MAP1A: variants seen among roughly 807,000 people sequenced by gnomAD.
The protein encoded by MAP1A is microtubule-associated protein 1A.
MAP1A carries 42 observed loss-of-function variants against 185.9 expected under a neutral mutation model. The observed-to-expected ratio is 0.23, with a 90% CI of 0.18 to 0.29. MAP1A has a LOEUF of 0.29. Among genes scored for constraint, MAP1A ranks in the 10% least tolerant of loss-of-function variants. The pLI, the probability that MAP1A is intolerant of heterozygous loss-of-function variation, is 1.00. For missense variants in MAP1A, 2,995 were observed against 3,450.4 expected (o/e 0.87, Z 3.31); for synonymous variants, 1,229 against 1,335.9 (o/e 0.92, Z 1.74).
intron 1 of MAP1A, among the ~76,000 whole-genome samples, chr15:43,518,659 C>T (rs1256723884): frequency 6.6e-6 from 1 of 151,676 alleles, no homozygotes; most frequent in African/African-American, 2.4e-5. Flanking sequence ...TTCTGCCTCA[C>T]TGCGGAGACA....
At position 43,526,334 on chromosome 15, in the gene MAP1A, C is replaced by G. The variant is rs76831919; in HGVS notation, c.4861C>G (p.Leu1621Val). The stretch of plus-strand genomic sequence containing the variant: ...AGCTCTTCTGGAGAAGACCAAAGCT[C>G]TGGGCCTGGAAGAGAGCCTAGTGCA... ...LEALLEKTKA[L>V]GLEESLVQEG... Residue 1621 changes from leucine (L) to valine (V), a missense_variant, in exon 4 of 6, where the codon CTG becomes GTG. Coordinates refer to ENST00000300231, the MANE Select transcript of MAP1A (RefSeq NM_002373.6). This position sits in a 1 kb window ranked among gnomAD's most constrained non-coding sequence, Gnocchi z 4.7. 6.1e-3 allele frequency: 9,844 copies of G among 1,614,076 alleles called. 536 individuals are homozygous for G. In the African/African-American group the frequency reaches 0.12, roughly 19 times the overall value.
Position 43,526,297 on chromosome 15 carries a change from A to G in MAP1A, c.4824A>G (p.Glu1608=). 6.2e-7 allele frequency: 1 copy of G among 1,614,100 alleles called. No homozygotes were observed. The highest frequency in any genetic ancestry group is 8.5e-7 in the Non-Finnish European group (1 of 1,180,018). ...EKSPEKVKAM[E]EKLEALLEKT... ...CCCCAGAAAAGGTCAAGGCCATGGAAGAGAAGTTAGAAGCTCTTCTGGAGA... is the reference window on the plus strand; with the variant it reads ...CCCCAGAAAAGGTCAAGGCCATGGAGGAGAAGTTAGAAGCTCTTCTGGAGA... Residue 1608 remains glutamate, a synonymous_variant, in exon 4 of 6, where the codon GAA becomes GAG. Transcript: ENST00000300231. This position sits in a 1 kb window ranked among gnomAD's most constrained non-coding sequence, Gnocchi z 4.7.
chr15:43,515,555 A>C (rs2079294259), upstream of MAP1A, among the ~76,000 whole-genome samples: 1 of 152,188 alleles, frequency 6.6e-6, no homozygotes, highest in Non-Finnish European at 1.5e-5. Context: ...TCTTCCACAA[A>C]AGGGAGAAAG....
Position 43,530,244 on chromosome 15 carries a change from C to A in MAP1A, c.*20C>A. On this transcript the variant is annotated 3_prime_UTR_variant, in exon 6 of 6. Transcript: ENST00000300231. ...TTCTGAAAGAGCCGCCCTCCCTTCC[C>A]CAAGGATCCACTCCCCCAGCTCCTT... The A allele has an allele frequency of 6.2e-7, 1 of 1,613,182 alleles. No homozygotes were observed. Among genetic ancestry groups the A allele is most frequent in the South Asian group, 1.1e-5 (1 of 90,916 alleles).
rs780152975 is a variant in MAP1A at position 43,527,752 on chromosome 15, C to T, written c.6279C>T (p.Pro2093=). Residue 2093 remains proline, a synonymous_variant, in exon 4 of 6, where the codon CCC becomes CCT. Coordinates refer to ENST00000300231, the MANE Select transcript of MAP1A (RefSeq NM_002373.6). ...SCSPDRRSPS[P]KESGRSHWDD... ...GCCCAGATAGGAGGTCCCCATCCCCCAAGGAATCAGGCCGGAGTCACTGGG... is the reference window on the plus strand; with the variant it reads ...GCCCAGATAGGAGGTCCCCATCCCCTAAGGAATCAGGCCGGAGTCACTGGG... 3.1e-6 allele frequency: 5 copies of T among 1,613,674 alleles called. No individual in the cohort carries two copies. In the African/African-American group the frequency reaches 5.3e-5, roughly 17 times the overall value.
At chr15:43,520,943 C>CG in intron 2 of MAP1A, 29 bp from the exon 3 acceptor site, 1 of 1,544,424 alleles carries the variant, frequency 6.5e-7, no homozygotes, top group Non-Finnish European at 8.8e-7. Flanking sequence ...TTTCCTATAT[C>CG]TGTGACCACT....
At chr15:43,520,778 C>A in intron 2 of MAP1A, 55 bp downstream of exon 2, 2 of 1,427,822 alleles carry the variant, frequency 1.4e-6, no homozygotes, top group Non-Finnish European at 1.9e-6. Flanking sequence ...GCTATACCCA[C>A]CCTTGCCAGT....
chr15:43,520,746 G>T, intron 2 of MAP1A, 23 bp downstream of exon 2: 1 of 1,515,798 alleles, frequency 6.6e-7, no homozygotes, highest in Non-Finnish European at 9.0e-7. Flanking sequence ...CCTGTGCCTT[G>T]CCAAACAGGC....
rs1480098453 is a variant in MAP1A, at chr15:43,520,634, C to T, written c.-374-7C>T. The T allele has an allele frequency of 4.6e-6, 7 of 1,519,704 alleles. No homozygotes were observed. In the Admixed American group the frequency reaches 5.9e-5, roughly 13 times the overall value. 94.1% of individuals were successfully genotyped at this position (1,519,704 alleles called of 1,614,324 possible). On this transcript the variant is annotated splice_polypyrimidine_tract_variant and splice_region_variant and intron_variant, in intron 1 of 5. Transcript: ENST00000300231. The stretch of plus-strand genomic sequence containing the variant: ...TCTCAATATAAATTCCTACATCTCT[C>T]CCTCAGGCCAGAGGACCCTTTGCCA...
At chr15:43,518,715 C>CT (rs1405891446) in intron 1 of MAP1A, among the ~76,000 whole-genome samples, 4 of 139,422 alleles carry the variant, frequency 2.9e-5, no homozygotes, top group Admixed American at 6.9e-5. Flanking sequence ...CCCACCCCCC[C>CT]CCGCAACTCC....
chr15:43,510,966 A>G lies in MAP1A; in HGVS notation c.-23A>G, dbSNP rs891766075. 3.3e-6 allele frequency: 5 copies of G among 1,496,976 alleles called. No individual in the cohort carries two copies. In the East Asian group the frequency reaches 1.2e-4, roughly 37 times the overall value. 92.7% of individuals were successfully genotyped at this position (1,496,976 alleles called of 1,614,324 possible). A position where few individuals can be genotyped will look rare whatever the true frequency, so the allele number is the denominator to read the frequency against. On this transcript the variant is annotated 5_prime_UTR_variant, in exon 1 of 7. Coordinates refer to the MAP1A transcript ENST00000382031. ...CTCTGCCTGCAGCGGAAGCTGCCGG[A>G]CTAACACTCCGCGGGTGTTTCCATG... is the stretch of plus-strand genomic sequence containing the variant.
rs749167649 is a variant in MAP1A at position 43,523,725 on chromosome 15, C to G, written c.2252C>G (p.Ser751Ter). The change falls in exon 4 of 6, where the codon TCA becomes TGA. Residue 751 changes from serine to a stop codon, truncating the protein, a stop_gained. Transcript: ENST00000300231. LOFTEE classifies it high-confidence loss of function. ...PGYSETEQTI[S>*]DEEIHDEPEE... ...TACTCAGAGACTGAGCAGACCATCT[C>G]AGATGAGGAGATCCATGATGAGCCG... 6.2e-7 allele frequency: 1 copy of G among 1,614,016 alleles called. No individual in the cohort carries two copies.
Position 43,523,764 on chromosome 15 carries a change from C to G in MAP1A, c.2291C>G (p.Ala764Gly), listed in dbSNP as rs1435348413. Residue 764 changes from alanine to glycine, a missense_variant, in exon 4 of 6, where the codon GCT becomes GGT. By Grantham distance (60) the Ala-to-Gly change is moderately conservative. This residue lies in a region of MAP1A where 2,728 missense variants were observed against 2,986.0 expected (regional missense o/e 0.91). Coordinates refer to ENST00000300231, the MANE Select transcript of MAP1A (RefSeq NM_002373.6). ...CATGATGAGCCGGAGGAGCGCCCAG[C>G]TCCACCCAGATTTCATACAAGTACA... is the stretch of plus-strand genomic sequence containing the variant. ...EIHDEPEERPAPPRFHTSTYD... is the reference protein window; with the variant it reads ...EIHDEPEERPGPPRFHTSTYD... 1 of 1,613,988 alleles carries G rather than the reference C, an allele frequency of 6.2e-7. No individual in the cohort carries two copies. The highest frequency in any genetic ancestry group is 1.7e-5 in the Admixed American group (1 of 60,012).
upstream of MAP1A, among the ~76,000 whole-genome samples, chr15:43,516,242 C>T (rs2079296793): frequency 2.0e-5 from 3 of 152,162 alleles, no homozygotes; most frequent in African/African-American, 7.2e-5. Context: ...TTGCCATTGT[C>T]GCAGATTTGC....
chr15:43,529,450 A>G lies in MAP1A; in HGVS notation c.7977A>G (p.Glu2659=), dbSNP rs1157948929. ...CAAGCCAGGTCACCCCAGCAGAGGA[A>G]AAGGATGGACACAGCCCCATGTCCA... The part of the protein sequence containing the change: ...STTSQVTPAE[E]KDGHSPMSKG... Residue 2659 remains glutamate (E), a synonymous_variant, in exon 4 of 6, where the codon GAA becomes GAG. Coordinates refer to ENST00000300231, the MANE Select transcript of MAP1A (RefSeq NM_002373.6). This position sits in a 1 kb window ranked among gnomAD's most constrained non-coding sequence, Gnocchi z 4.3. 6.2e-7 allele frequency: 1 copy of G among 1,613,550 alleles called. No individual in the cohort carries two copies. Among genetic ancestry groups the G allele is most frequent in the East Asian group, 2.2e-5 (1 of 44,892 alleles).
intron 1 of MAP1A, 66 bp downstream of exon 1, chr15:43,517,766 C>T: frequency 2.0e-6 from 1 of 511,040 alleles, no homozygotes. Context: ...GGATGGGGGT[C>T]ATGGAAAGGG....
At chr15:43,520,393 C>A (rs2079314639) in intron 1 of MAP1A, among the ~76,000 whole-genome samples, 1 of 151,986 alleles carries the variant, frequency 6.6e-6, no homozygotes, top group African/African-American at 2.4e-5. Flanking sequence ...GGGGCACAGG[C>A]AGCAGAGGGT....
rs753786767 is a variant in MAP1A, at chr15:43,529,041, C to T, written c.7568C>T (p.Pro2523Leu). The T allele has an allele frequency of 9.9e-6, 16 of 1,613,832 alleles. No homozygotes were observed. The highest frequency in any genetic ancestry group is 4.4e-5 in the South Asian group (4 of 91,080). Residue 2523 changes from proline (P) to leucine (L), a missense_variant, in exon 4 of 6, where the codon CCG becomes CTG. Pro to Leu is a moderately conservative substitution (Grantham distance 98). This residue lies in a region of MAP1A where 2,728 missense variants were observed against 2,986.0 expected (regional missense o/e 0.91). Coordinates refer to ENST00000300231, the MANE Select transcript of MAP1A (RefSeq NM_002373.6). The surrounding 1 kb of genome is among the most constrained non-coding windows in gnomAD (Gnocchi z 4.3). ...GTCCCGCCAGAAACTGAGGAGTGTC[C>T]GTCCATCACAGCTGAGGCAGCCCTC... Reference protein sequence around the residue: ...SDVPPETEECPSITAEAALDS... With the variant: ...SDVPPETEECLSITAEAALDS...
Position 43,522,631 on chromosome 15 carries a change from G to C in MAP1A, c.1158G>C (p.Glu386Asp). ...AGAGGGTGAAGACAGAGTCAAGTGA[G>C]GCACTGAAGGCAGAGAAGCGAAAGC... Reference protein sequence around the residue: ...KPERVKTESSEALKAEKRKLI... With the variant: ...KPERVKTESSDALKAEKRKLI... Residue 386 changes from glutamate (E) to aspartate (D), a missense_variant, in exon 4 of 6, where the codon GAG becomes GAC. Physicochemically the swap from Glu to Asp is conservative, Grantham distance 45 (BLOSUM62 2). Transcript: ENST00000300231. This position sits in a 1 kb window ranked among gnomAD's most constrained non-coding sequence, Gnocchi z 5.9. 1 of 1,613,020 alleles carries C rather than the reference G, an allele frequency of 6.2e-7. No homozygotes were observed.
Sources: gnomAD v4.1 joint callset for allele counts (sites outside exome capture counted in the v4.1 genomes callset) on GRCh38, gnomAD v4.1.1 for gene constraint, gnomAD v4.1.1 regional missense constraint, Gnocchi (gnomAD v3.1) non-coding constraint, MANE v1.5 for transcripts, NCBI Gene and HGNC (gene_info 2026-07-23, HGNC 2026-07-21) for gene names.